The following ANKRD36 variants were observed in gnomAD, a reference collection of about 807,000 sequenced individuals.
ANKRD36 encodes the protein ankyrin repeat domain 36.
Under a neutral mutation model 278.1 loss-of-function variants are expected in ANKRD36, and 179 were observed. That is an observed-to-expected ratio of 0.64 (90% CI 0.57 to 0.73). The LOEUF (loss-of-function observed/expected upper bound fraction) is 0.73. Among genes scored for constraint, ANKRD36 ranks in the 30% least tolerant of loss-of-function variants. ANKRD36 has a pLI of 0.00. For missense variants in ANKRD36, 1,159 were observed against 1,956.7 expected, an observed-to-expected ratio of 0.59 and a Z score of 7.69; for synonymous variants, 320 against 641.1, an observed-to-expected ratio of 0.50 and a Z score of 7.57.
Position 97,147,006 on chromosome 2 carries a change from C to T in ANKRD36, c.1034+490C>T, listed in dbSNP as rs1574911621. ...GGTAACCATATTACTTTTTTTTAAA[C>T]CATCAAAATTTTAAAGGCAGATATC... On this transcript the variant is annotated intron_variant, in intron 11 of 75. Coordinates refer to ENST00000420699, the MANE Select transcript of ANKRD36 (RefSeq NM_001354587.1). Among the ~76,000 whole-genome samples, 4 of 151,178 alleles carry T rather than the reference C, an allele frequency of 2.6e-5. No homozygotes were observed. In the South Asian group the frequency reaches 6.3e-4, roughly 24 times the overall value.
intron 22 of ANKRD36, among the ~76,000 whole-genome samples, chr2:97,174,607 T>C (rs1266540823): frequency 6.6e-6 from 1 of 151,786 alleles, no homozygotes; most frequent in African/African-American, 2.4e-5. Context: ...CCTAATTGAA[T>C]ACCCTTTATT....
At position 97,202,355 on chromosome 2, in the gene ANKRD36, T is replaced by G. The variant is rs1428607728; in HGVS notation, c.2921T>G (p.Ile974Arg). The change falls in exon 48 of 76, where the codon ATA becomes AGA. Residue 974 changes from isoleucine to arginine, a missense_variant. Ile to Arg is a moderately conservative substitution (Grantham distance 97). Transcript: ENST00000420699. ...GACGAGGAAGATTCTGTTTTGGGTA[T>G]AGCCAGAGAAAACAAGGATGGAGAA... ...TSDEEDSVLG[I>R]ARENKDGEKS... is the part of the protein sequence containing the mutation. 6.4e-7 allele frequency: 1 copy of G among 1,562,000 alleles called. No individual in the cohort carries two copies. Among genetic ancestry groups the G allele is most frequent in the Non-Finnish European group, 8.6e-7 (1 of 1,156,914 alleles).
chr2:97,183,231 G>C (rs1248435901), intron 26 of ANKRD36, among the ~76,000 whole-genome samples: 1 of 151,678 alleles, frequency 6.6e-6, no homozygotes, highest in African/African-American at 2.4e-5. Flanking sequence ...CACACATGAT[G>C]CATAATACCT....
In ANKRD36 at chr2:97,196,579, C is replaced by A; in HGVS notation, c.2552-14C>A. 1 of 1,604,674 alleles carries A rather than the reference C, an allele frequency of 6.2e-7. No individual in the cohort carries two copies. The highest frequency in any genetic ancestry group is 8.5e-7 in the Non-Finnish European group (1 of 1,178,690). ...TTTATGTATGACTGATTATGAATCC[C>A]TTTTGCTTTTCAGTGTCTTCTCAGA... is the stretch of plus-strand genomic sequence containing the variant. On this transcript the variant is annotated splice_polypyrimidine_tract_variant and intron_variant, in intron 40 of 75. Transcript: ENST00000420699.
At position 97,113,641 on chromosome 2, in the gene ANKRD36, C is replaced by G. The variant is rs952688358; in HGVS notation, c.-99C>G. On this transcript the variant is annotated 5_prime_UTR_variant, in exon 1 of 76. Coordinates refer to ENST00000420699, the MANE Select transcript of ANKRD36 (RefSeq NM_001354587.1). ...GGCGCTGAGAGTCTGTGCGGAGGTC[C>G]GTGGACAGACTGCTTTGCTCGTTGT... 23 of 1,500,954 alleles carry G rather than the reference C, an allele frequency of 1.5e-5. No homozygotes were observed. In the Admixed American group the frequency reaches 1.6e-4, roughly 11 times the overall value. 93.0% of individuals were successfully genotyped at this position (1,500,954 alleles called of 1,614,324 possible). A position where few individuals can be genotyped will look rare whatever the true frequency, so the allele number is the denominator to read the frequency against.
intron 46 of ANKRD36, among the ~76,000 whole-genome samples, chr2:97,201,181 C>G (rs1411952077): frequency 2.0e-5 from 3 of 151,872 alleles, no homozygotes; most frequent in Non-Finnish European, 4.4e-5. Context: ...CATTACTCCT[C>G]TTTGTTACTA....
intron 6 of ANKRD36, among the ~76,000 whole-genome samples, chr2:97,139,273 G>A (rs377381198): frequency 6.6e-6 from 1 of 151,762 alleles, no homozygotes; most frequent in Non-Finnish European, 1.5e-5. Flanking sequence ...TTGATGACAT[G>A]TAACCAAGAA....
intron 6 of ANKRD36, among the ~76,000 whole-genome samples, chr2:97,139,771 AC>A (rs1030520313): frequency 1.3e-5 from 2 of 152,052 alleles, no homozygotes; most frequent in African/African-American, 4.8e-5. Flanking sequence ...ACATGTCATG[AC>A]CCTGAGAAAA....
At chr2:97,203,667 T>C (rs1472394797) in intron 48 of ANKRD36, among the ~76,000 whole-genome samples, 2 of 151,814 alleles carry the variant, frequency 1.3e-5, no homozygotes, top group African/African-American at 2.4e-5. Flanking sequence ...TGTAGTATAA[T>C]GGTGTAAATC....
intron 58 of ANKRD36, among the ~76,000 whole-genome samples, chr2:97,212,402 G>A (rs1576098123): frequency 6.6e-6 from 1 of 151,794 alleles, no homozygotes; most frequent in East Asian, 2.0e-4. Context: ...CTCCTCTTTA[G>A]GAGTAATTTA....
rs1434087182 is a variant in ANKRD36 at position 97,191,191 on chromosome 2, C to T, written c.2347+10C>T. Reference sequence around the variant, plus strand: ...GAAAAATCTGGGACAGGTAATTTTGCAAAAGACATTTAATGTCATATTCAG... The same window carrying T: ...GAAAAATCTGGGACAGGTAATTTTGTAAAAGACATTTAATGTCATATTCAG... On this transcript the variant is annotated intron_variant, in intron 36 of 75. Coordinates refer to ENST00000420699, the MANE Select transcript of ANKRD36 (RefSeq NM_001354587.1). 2 of 1,580,978 alleles carry T rather than the reference C, an allele frequency of 1.3e-6. No homozygotes were observed. The highest frequency in any genetic ancestry group is 1.7e-6 in the Non-Finnish European group (2 of 1,163,036).
At chr2:97,134,788 T>A (rs1574722144) in intron 6 of ANKRD36, among the ~76,000 whole-genome samples, 1 of 152,186 alleles carries the variant, frequency 6.6e-6, no homozygotes, top group East Asian at 1.9e-4. Context: ...TATTAGAAAG[T>A]ACTCCCTGGC....
chr2:97,166,411 A>G (rs923014665), intron 20 of ANKRD36, among the ~76,000 whole-genome samples: 1 of 151,876 alleles, frequency 6.6e-6, no homozygotes, highest in Non-Finnish European at 1.5e-5. Flanking sequence ...CTAATAAAGG[A>G]AAACCATATC....
chr2:97,226,571 A>G (rs2069716257), intron 67 of ANKRD36, among the ~76,000 whole-genome samples: 1 of 151,756 alleles, frequency 6.6e-6, no homozygotes, highest in African/African-American at 2.4e-5. Context: ...CCCATGTTGT[A>G]GGTTGCCTGT....
At chr2:97,210,625 A>G (rs1215933332) in intron 56 of ANKRD36, among the ~76,000 whole-genome samples, 4 of 151,838 alleles carry the variant, frequency 2.6e-5, no homozygotes, top group African/African-American at 7.2e-5. Context: ...TTGTTCAAGG[A>G]GCTACCTCTT....
intron 6 of ANKRD36, among the ~76,000 whole-genome samples, chr2:97,128,858 ACTCC>A (rs1371129122): frequency 6.6e-6 from 1 of 152,086 alleles, no homozygotes; most frequent in African/African-American, 2.4e-5. Flanking sequence ...ATACATCCCA[ACTCC>A]CTCCAACATG....
intron 17 of ANKRD36, 139 bp downstream of exon 17, chr2:97,158,794 A>T (rs1483168995): frequency 4.6e-6 from 4 of 873,416 alleles, no homozygotes; most frequent in East Asian, 2.8e-5. Flanking sequence ...CCCGTGCTTT[A>T]TTCACTTGCC....
chr2:97,140,663 A>G (rs1319038514), intron 6 of ANKRD36, among the ~76,000 whole-genome samples: 1 of 152,056 alleles, frequency 6.6e-6, no homozygotes, highest in African/African-American at 2.4e-5. Flanking sequence ...TGTACACGTT[A>G]GTCAAGTGTC....
intron 12 of ANKRD36, among the ~76,000 whole-genome samples, chr2:97,150,049 T>C (rs1468301593): frequency 6.6e-6 from 1 of 151,836 alleles, no homozygotes; most frequent in Non-Finnish European, 1.5e-5. Context: ...TTATCTCTAA[T>C]TTTAAAAAGT....
Sources: allele counts gnomAD v4.1 joint callset (sites outside exome capture counted in the v4.1 genomes callset), GRCh38; gene constraint gnomAD v4.1.1; transcripts MANE v1.5; gene names NCBI Gene and HGNC (gene_info 2026-07-23, HGNC 2026-07-21).